The following TNS3 variants were observed in gnomAD, a reference collection of about 807,000 sequenced individuals.
TNS3 encodes tensin-3.
TNS3 carries 45 observed loss-of-function variants against 140.9 expected under a neutral mutation model. The observed-to-expected ratio is 0.32, with a 90% confidence interval of 0.25 to 0.41. The LOEUF is 0.41. TNS3 is among the 10% of genes least tolerant of loss of function. The pLI is 1.00. For synonymous variants in TNS3, 815 were observed against 788.4 expected (o/e 1.03, Z -0.56); for missense variants, 1,716 against 1,906.7 (o/e 0.90, Z 1.86).
At chr7:47,342,251 G>T (rs1034614440) in intron 20 of TNS3, among the ~76,000 whole-genome samples, 1 of 152,188 alleles carries the variant, frequency 6.6e-6, no homozygotes, top group African/African-American at 2.4e-5. Flanking sequence ...GTTTTAAGTT[G>T]TACTTAGCAG....
At chr7:47,395,996 A>G (rs1416172531) in intron 16 of TNS3, among the ~76,000 whole-genome samples, 1 of 152,252 alleles carries the variant, frequency 6.6e-6, no homozygotes, top group Non-Finnish European at 1.5e-5. Context: ...CGATCCACAA[A>G]GATGAGGCGC....
At chr7:47,378,138 G>T (rs530948676) in intron 16 of TNS3, among the ~76,000 whole-genome samples, 10 of 151,910 alleles carry the variant, frequency 6.6e-5, no homozygotes, top group African/African-American at 2.4e-4. Context: ...AACACAAAAG[G>T]CATGGCACAC....
intron 23 of TNS3, among the ~76,000 whole-genome samples, chr7:47,300,518 C>T (rs541337760): frequency 2.0e-5 from 3 of 152,352 alleles, no homozygotes; most frequent in Non-Finnish European, 4.4e-5. Flanking sequence ...CAGCAAACCC[C>T]CGCGGCAGGC....
At chr7:47,446,984 G>C (rs999497764) in intron 4 of TNS3, among the ~76,000 whole-genome samples, 1 of 149,884 alleles carries the variant, frequency 6.7e-6, no homozygotes, top group South Asian at 2.1e-4. Context: ...TTCCGTGCCC[G>C]GCCAGACTGC....
intron 20 of TNS3, among the ~76,000 whole-genome samples, chr7:47,330,876 C>CA (rs1443637133): frequency 3.3e-5 from 5 of 152,146 alleles, no homozygotes; most frequent in African/African-American, 1.2e-4. Context: ...AACACCCTCC[C>CA]ACCAGCCCGC....
chr7:47,497,539 T>C (rs1023533614), intron 3 of TNS3, among the ~76,000 whole-genome samples: 1 of 152,110 alleles, frequency 6.6e-6, no homozygotes, highest in Non-Finnish European at 1.5e-5. Flanking sequence ...TTATGAGTCC[T>C]CAAAGTTTCA....
intron 1 of TNS3, among the ~76,000 whole-genome samples, chr7:47,538,684 T>C (rs1584832731): frequency 6.6e-6 from 1 of 152,196 alleles, no homozygotes; most frequent in Admixed American, 6.5e-5. Context: ...TCTTCAACTT[T>C]TAACTACAAA....
intron 3 of TNS3, among the ~76,000 whole-genome samples, chr7:47,506,126 C>T (rs928974101): frequency 6.6e-6 from 1 of 152,162 alleles, no homozygotes; most frequent in Middle Eastern, 3.2e-3. Flanking sequence ...CTACAGAGCC[C>T]CCATAGGCAG....
chr7:47,435,677 C>T (rs1327332870), intron 7 of TNS3, among the ~76,000 whole-genome samples: 1 of 152,126 alleles, frequency 6.6e-6, no homozygotes, highest in African/African-American at 2.4e-5. Flanking sequence ...CTTTGAGTTG[C>T]TGATGGTGCA....
At position 47,368,802 on chromosome 7, in the gene TNS3, C is replaced by T. The variant is rs1159587244; in HGVS notation, c.1844G>A (p.Cys615Tyr). 8.7e-6 allele frequency: 14 copies of T among 1,608,422 alleles called. No individual in the cohort carries two copies. The highest frequency in any genetic ancestry group is 1.2e-5 in the Non-Finnish European group (14 of 1,177,974). The change falls in exon 17 of 31, where the codon TGC (cysteine) becomes TAC (tyrosine). Residue 615 changes from cysteine (C) to tyrosine (Y), a missense_variant. Cys to Tyr is a radical substitution (Grantham distance 194). Transcript: ENST00000311160. ...GACGAGGCCAGGATTGTCTGCAGGG[C>T]AGCGGCTCACCAGCCGGGCCTCCCC... Reference protein sequence around the residue: ...PDGEARLVSRCPADNPGLVQA... With the variant: ...PDGEARLVSRYPADNPGLVQA...
intron 2 of TNS3, among the ~76,000 whole-genome samples, chr7:47,510,705 C>A (rs1798575827): frequency 6.6e-6 from 1 of 151,964 alleles, no homozygotes; most frequent in Admixed American, 6.6e-5. Flanking sequence ...GAAACCCCAT[C>A]TCTACTAAAA....
chr7:47,452,679 A>C (rs922242045), intron 4 of TNS3, among the ~76,000 whole-genome samples: 13 of 152,194 alleles, frequency 8.5e-5, no homozygotes, highest in African/African-American at 2.4e-4. Flanking sequence ...ATTTCCAAAG[A>C]AGTCGGAAGC....
chr7:47,346,041 G>C, intron 18 of TNS3, 146 bp downstream of exon 18: 3 of 1,111,374 alleles, frequency 2.7e-6, no homozygotes, highest in Non-Finnish European at 3.8e-6. Context: ...GACCATATTT[G>C]TGAAACCAGG....
At chr7:47,347,900 G>A (rs1282951213) in intron 17 of TNS3, among the ~76,000 whole-genome samples, 1 of 152,108 alleles carries the variant, frequency 6.6e-6, no homozygotes, top group Non-Finnish European at 1.5e-5. Context: ...CTCCCACAAG[G>A]GGGAGGATTA....
chr7:47,297,705 A>T (rs1380740242), intron 23 of TNS3, among the ~76,000 whole-genome samples: 1 of 152,060 alleles, frequency 6.6e-6, no homozygotes, highest in Non-Finnish European at 1.5e-5. Flanking sequence ...CTCTGCTTGG[A>T]CACTGCCCCC....
At chr7:47,438,039 AAATAATAATAATAAT>A (rs56039512) in intron 6 of TNS3, among the ~76,000 whole-genome samples, 153 of 147,690 alleles carry the variant, frequency 1.0e-3, no homozygotes, top group African/African-American at 3.1e-3. Flanking sequence ...TTCAAAATGA[AAATAATAATAATAAT>A]AATAATAATA....
intron 2 of TNS3, among the ~76,000 whole-genome samples, chr7:47,514,829 C>T (rs772231806): frequency 6.6e-6 from 1 of 152,158 alleles, no homozygotes; most frequent in Non-Finnish European, 1.5e-5. Context: ...CTTTTGGGGC[C>T]GAATCTACTC....
At chr7:47,421,841 A>T (rs1038012199) in intron 10 of TNS3, among the ~76,000 whole-genome samples, 1 of 152,190 alleles carries the variant, frequency 6.6e-6, no homozygotes, top group African/African-American at 2.4e-5. Flanking sequence ...CTCCCATCAG[A>T]GTTGCTGTTG....
intron 17 of TNS3, among the ~76,000 whole-genome samples, chr7:47,359,402 A>G (rs1051114707): frequency 3.3e-5 from 5 of 152,224 alleles, no homozygotes; most frequent in Non-Finnish European, 7.3e-5. Flanking sequence ...AGGTGTGGAC[A>G]GGAAGTGACT....
Sources: allele counts gnomAD v4.1 joint callset (sites outside exome capture counted in the v4.1 genomes callset), GRCh38; gene constraint gnomAD v4.1.1; transcripts MANE v1.5; gene names NCBI Gene and HGNC (gene_info 2026-07-23, HGNC 2026-07-21).